The following MTMR3 variants were observed in gnomAD, a reference collection of about 807,000 sequenced individuals.
MTMR3 encodes the protein phosphatidylinositol-3,5-bisphosphate 3-phosphatase MTMR3.
A neutral mutation model predicts 132.4 loss-of-function variants in MTMR3; 32 were observed. That is an observed-to-expected ratio of 0.24 (90% CI 0.18 to 0.32). MTMR3 has a LOEUF of 0.32. Among genes scored for constraint, MTMR3 ranks in the 10% least tolerant of loss-of-function variants. The probability of loss-of-function intolerance (pLI) is 1.00; values close to 1 mark genes in which losing one functional copy is unlikely to be tolerated. For synonymous variants in MTMR3, 556 were observed against 550.3 expected (o/e 1.01, Z -0.14); for missense variants, 1,216 against 1,489.6 (o/e 0.82, Z 3.02).
chr22:29,986,664 CTT>C, intron 5 of MTMR3: 5 of 762,572 alleles, frequency 6.6e-6, no homozygotes, highest in Non-Finnish European at 6.4e-6. Context: ...TTTTTCTTTT[CTT>C]TTTTTTTTGT....
chr22:29,973,449 A>G lies in MTMR3; in HGVS notation c.3+2387A>G, dbSNP rs368828801. ...CCAAGCATTTTATCAAGGGAAATGT[A>G]TTGTTTGTCTTCTAATACCAGTCTT... On this transcript the variant is annotated intron_variant, in intron 3 of 19. Transcript: ENST00000401950. 2.0e-5 allele frequency among the ~76,000 whole-genome samples: 3 copies of G among 152,142 alleles called. No individual in the cohort carries two copies. In the East Asian group the frequency reaches 5.8e-4, roughly 29 times the overall value.
At position 29,959,863 on chromosome 22, in the gene MTMR3, A is replaced by G. The variant is rs1212868030; in HGVS notation, c.-85+2775A>G. Among the ~76,000 whole-genome samples the G allele has an allele frequency of 3.3e-5, 5 of 150,110 alleles. No individual in the cohort carries two copies. The Admixed American group carries it at 3.3e-4, about 10-fold the overall frequency. On this transcript the variant is annotated intron_variant, in intron 2 of 19. Coordinates refer to ENST00000401950, the MANE Select transcript of MTMR3 (RefSeq NM_021090.4). ...AGCCTCGATCTCCTGGGCTCAAGTG[A>G]TCCTCCCACCTCAGCCTCCTGAGTA...
intron 3 of MTMR3, among the ~76,000 whole-genome samples, chr22:29,971,580 G>GTA (rs766710118): frequency 1.3e-5 from 2 of 152,062 alleles, no homozygotes; most frequent in Non-Finnish European, 2.9e-5. Context: ...ACTTCACATA[G>GTA]TATATATGCT....
At chr22:29,979,726 T>C (rs1453714669) in intron 5 of MTMR3, 2 of 152,488 alleles carry the variant, frequency 1.3e-5, no homozygotes, top group African/African-American at 4.8e-5. Flanking sequence ...ATAATTCCCT[T>C]GGCCTTAATG....
At chr22:29,912,203 T>C (rs1544433) in intron 1 of MTMR3, among the ~76,000 whole-genome samples, 140,397 of 152,230 alleles carry the variant, frequency 0.92, 64,817 homozygotes, top group East Asian at 1. Context: ...AATTTGTTTT[T>C]TTTATGCTAA....
intron 1 of MTMR3, among the ~76,000 whole-genome samples, chr22:29,950,371 T>A (rs540357935): frequency 8.8e-4 from 133 of 151,894 alleles, no homozygotes; most frequent in African/African-American, 2.8e-3. Flanking sequence ...TTATTTATTT[T>A]TTTATTTTTT....
At chr22:29,941,669 TCTC>T (rs1324175984) in intron 1 of MTMR3, among the ~76,000 whole-genome samples, 2 of 152,324 alleles carry the variant, frequency 1.3e-5, no homozygotes, top group African/African-American at 4.8e-5. Flanking sequence ...TGAGAATACT[TCTC>T]CTACATGACT....
intron 1 of MTMR3, among the ~76,000 whole-genome samples, chr22:29,920,303 T>TA (rs893184775): frequency 9.2e-5 from 14 of 151,884 alleles, no homozygotes; most frequent in Admixed American, 2.0e-4. Flanking sequence ...CCTTATTAGC[T>TA]AAAAAAAATT....
At chr22:29,919,730 ATT>A (rs1438375829) in intron 1 of MTMR3, among the ~76,000 whole-genome samples, 1 of 151,848 alleles carries the variant, frequency 6.6e-6, no homozygotes, top group Admixed American at 6.6e-5. Context: ...GTCTCACTGT[ATT>A]GCTCAGGCTA....
chr22:29,953,298 A>T (rs1486118999), intron 1 of MTMR3, among the ~76,000 whole-genome samples: 1 of 152,204 alleles, frequency 6.6e-6, no homozygotes, highest in Non-Finnish European at 1.5e-5. Context: ...AGAGCCTCTT[A>T]GTTTTCCCTC....
At chr22:29,995,696 A>G (rs1473968287) in intron 7 of MTMR3, 2 of 152,246 alleles carry the variant, frequency 1.3e-5, no homozygotes, top group Non-Finnish European at 2.9e-5. Context: ...GAAAGTTGGG[A>G]TATCACAATG....
intron 1 of MTMR3, among the ~76,000 whole-genome samples, chr22:29,940,243 G>T (rs567816376): frequency 3.3e-5 from 5 of 152,232 alleles, no homozygotes; most frequent in South Asian, 2.1e-4. Context: ...ACGCCAGCCT[G>T]GGGGACAGAG....
intron 1 of MTMR3, among the ~76,000 whole-genome samples, chr22:29,900,944 C>A (rs903788977): frequency 6.6e-6 from 1 of 152,142 alleles, no homozygotes; most frequent in African/African-American, 2.4e-5. Flanking sequence ...GCCTTGGCCT[C>A]CCAAAATGCT....
chr22:29,935,370 A>G (rs1205513026), intron 1 of MTMR3, among the ~76,000 whole-genome samples: 5 of 152,332 alleles, frequency 3.3e-5, no homozygotes. Flanking sequence ...TTACAGAACT[A>G]CTAGATGCCT....
chr22:29,958,493 A>G (rs576388944), intron 2 of MTMR3, among the ~76,000 whole-genome samples: 3 of 151,524 alleles, frequency 2.0e-5, no homozygotes, highest in Admixed American at 2.0e-4. Flanking sequence ...ACACCGACCT[A>G]CCTCCTGTCT....
At chr22:29,929,105 C>T (rs530594316) in intron 1 of MTMR3, among the ~76,000 whole-genome samples, 14 of 152,012 alleles carry the variant, frequency 9.2e-5, no homozygotes, top group African/African-American at 1.9e-4. Context: ...CATGGTGAAA[C>T]GCTGTCTCTA....
chr22:30,025,307 G>T, intron 19 of MTMR3: 1 of 352,416 alleles, frequency 2.8e-6, no homozygotes, highest in Admixed American at 3.8e-5. Context: ...TCCTGGATCA[G>T]GACTAACCCA....
In MTMR3 at chr22:30,025,841, C is replaced by G. The variant is rs528603691; in HGVS notation, c.*40C>G. On this transcript the variant is annotated 3_prime_UTR_variant, in exon 20 of 20. Transcript: ENST00000401950. Reference sequence around the variant, plus strand: ...GGTGGGCAGTGGCCAAGCTGCTGTTCCTATGACAGGCCCACTCAACCTGGG... The same window carrying G: ...GGTGGGCAGTGGCCAAGCTGCTGTTGCTATGACAGGCCCACTCAACCTGGG... 4 of 1,607,828 alleles carry G rather than the reference C, an allele frequency of 2.5e-6. No individual in the cohort carries two copies. The highest frequency in any genetic ancestry group is 2.2e-5 in the East Asian group (1 of 44,862).
intron 1 of MTMR3, among the ~76,000 whole-genome samples, chr22:29,931,018 A>G (rs190155171): frequency 1.5e-4 from 23 of 152,064 alleles, no homozygotes; most frequent in African/African-American, 3.9e-4. Flanking sequence ...CAAAAGAAAA[A>G]AAAAAAAAAA....
Sources: allele counts gnomAD v4.1 joint callset (sites outside exome capture counted in the v4.1 genomes callset), GRCh38; gene constraint gnomAD v4.1.1; transcripts MANE v1.5; gene names NCBI Gene and HGNC (gene_info 2026-07-23, HGNC 2026-07-21).